SLC35D1: variants seen among roughly 807,000 people sequenced by gnomAD.
SLC35D1 encodes solute carrier family 35 member D1, also known as nucleotide sugar transporter SLC35D1.
Under a neutral mutation model 46.7 loss-of-function variants are expected in SLC35D1, and 31 were observed. The ratio of observed to expected loss-of-function variants is 0.66; its 90% CI spans 0.50 to 0.90. The LOEUF (loss-of-function observed/expected upper bound fraction) is 0.90. Among genes scored for constraint, SLC35D1 ranks in the 40% least tolerant of loss-of-function variants. SLC35D1 has a pLI of 0.00. For synonymous variants in SLC35D1, 195 were observed against 164.6 expected, an observed-to-expected ratio of 1.18 and a Z score of -1.41; for missense variants, 397 against 426.2, an observed-to-expected ratio of 0.93 and a Z score of 0.60.
Position 67,020,080 on chromosome 1 carries a change from C to T in SLC35D1, c.876+289G>A, listed in dbSNP as rs187536399. On this transcript the variant is annotated intron_variant, in intron 10 of 11. Transcript: ENST00000235345. ...AAGGGACAGGCTTATCACTACCAAG[C>T]TATTAATCTGCCCTGTCAGAAATAG... Among the ~76,000 whole-genome samples the T allele has an allele frequency of 1.4e-3, 214 of 152,310 alleles. 5 individuals are homozygous for T. The highest frequency in any genetic ancestry group is 3.4e-3 in the Middle Eastern group (1 of 294).
intron 9 of SLC35D1, among the ~76,000 whole-genome samples, chr1:67,021,022 C>A (rs1418206584): frequency 6.6e-6 from 1 of 152,062 alleles, no homozygotes; most frequent in Non-Finnish European, 1.5e-5. Context: ...GATCCAGTCA[C>A]AAATAGCAAC....
At chr1:67,015,695 C>T (rs922679127) in intron 10 of SLC35D1, among the ~76,000 whole-genome samples, 1 of 152,046 alleles carries the variant, frequency 6.6e-6, no homozygotes, top group African/African-American at 2.4e-5. Flanking sequence ...AGGCAGTTTT[C>T]TCTTTCAAAC....
At chr1:67,015,725 G>A (rs1667671415) in intron 10 of SLC35D1, among the ~76,000 whole-genome samples, 1 of 151,730 alleles carries the variant, frequency 6.6e-6, no homozygotes, top group South Asian at 2.1e-4. Flanking sequence ...ATGTACTATT[G>A]ATAAAAAATA....
chr1:67,027,095 T>C (rs1306371152), intron 8 of SLC35D1, among the ~76,000 whole-genome samples: 1 of 152,228 alleles, frequency 6.6e-6, no homozygotes, highest in Non-Finnish European at 1.5e-5. Context: ...ACATTACCTA[T>C]TTCTTCTTGA....
In SLC35D1 at chr1:67,052,851, C is replaced by T. The variant is rs10157422; in HGVS notation, c.244G>A (p.Ala82Thr). The change falls in exon 3 of 12, where the codon GCC becomes ACC. Residue 82 changes from alanine (A) to threonine (T), a missense_variant. Coordinates refer to ENST00000235345, the MANE Select transcript of SLC35D1 (RefSeq NM_015139.3). ...CCCACCCAGAGAACTGCCACTGTGG[C>T]CACCATCTGTAAACAAGAGAACACA... ...SLCVGLGQMVATVAVLWVGKA... is the reference protein window; with the variant it reads ...SLCVGLGQMVTTVAVLWVGKA... 117,935 of 1,613,834 alleles carry T rather than the reference C, an allele frequency of 0.073. 5,848 individuals carry two copies. The highest frequency in any genetic ancestry group is 0.24 in the African/African-American group (17,853 of 74,934).
At chr1:67,028,897 T>C (rs768793229) in intron 8 of SLC35D1, among the ~76,000 whole-genome samples, 3 of 152,200 alleles carry the variant, frequency 2.0e-5, no homozygotes, top group African/African-American at 4.8e-5. Flanking sequence ...AAAGTTCCAA[T>C]TGAGTCTTTT....
At chr1:67,004,551 A>G (rs570945592) in intron 11 of SLC35D1, 103 bp from the exon 12 acceptor site, 2 of 889,114 alleles carry the variant, frequency 2.2e-6, no homozygotes, top group South Asian at 2.8e-5. Context: ...GATGAAGAGT[A>G]AAGTTTCACA....
downstream of SLC35D1, among the ~76,000 whole-genome samples, chr1:66,997,585 A>C (rs1294858942): frequency 4.1e-3 from 550 of 135,190 alleles, 2 homozygotes; most frequent in African/African-American, 0.013. Flanking sequence ...ATATACACAC[A>C]CAGATATAGA....
chr1:66,982,592 T>C, the SLC35D1 span, among the ~76,000 whole-genome samples: 8 of 151,850 alleles, frequency 5.3e-5, no homozygotes, highest in African/African-American at 1.9e-4. Flanking sequence ...AGTAAAAGAG[T>C]TCCAAGAAGA....
chr1:67,048,351 C>T (rs1409625564), intron 6 of SLC35D1, among the ~76,000 whole-genome samples: 1 of 152,152 alleles, frequency 6.6e-6, no homozygotes, highest in African/African-American at 2.4e-5. Context: ...TTGTTTGGTA[C>T]AATTTTGGGT....
At chr1:67,006,497 C>A (rs899995393) in intron 11 of SLC35D1, among the ~76,000 whole-genome samples, 5 of 152,110 alleles carry the variant, frequency 3.3e-5, no homozygotes, top group African/African-American at 9.7e-5. Context: ...CCCACAACAG[C>A]CTAAAAAATA....
intron 11 of SLC35D1, among the ~76,000 whole-genome samples, chr1:67,006,224 T>G (rs1302395662): frequency 6.6e-6 from 1 of 152,184 alleles, no homozygotes; most frequent in East Asian, 1.9e-4. Flanking sequence ...CCATTTAATT[T>G]TTTCTGGAAT....
chr1:67,037,188 C>A (rs1668141611), intron 8 of SLC35D1, among the ~76,000 whole-genome samples: 1 of 152,066 alleles, frequency 6.6e-6, no homozygotes, highest in Non-Finnish European at 1.5e-5. Flanking sequence ...TTGATGGGTT[C>A]ATCTTTTTGT....
the SLC35D1 span, chr1:66,986,066 A>G: frequency 9.8e-7 from 1 of 1,023,680 alleles, no homozygotes; most frequent in African/African-American, 1.7e-5. Context: ...GAGGGGGGTC[A>G]AGTGATACTT....
downstream of SLC35D1, among the ~76,000 whole-genome samples, chr1:66,999,150 T>C (rs1011770821): frequency 1.3e-5 from 2 of 152,166 alleles, no homozygotes; most frequent in Non-Finnish European, 2.9e-5. Flanking sequence ...TGAAATACCC[T>C]GAAAACAGAA....
downstream of SLC35D1, among the ~76,000 whole-genome samples, chr1:66,998,822 C>T (rs1014152924): frequency 6.6e-6 from 1 of 152,030 alleles, no homozygotes; most frequent in African/African-American, 2.4e-5. Flanking sequence ...TGGTGGTTAT[C>T]GATGACTGAG....
At chr1:67,034,580 T>C (rs1383945172) in intron 8 of SLC35D1, among the ~76,000 whole-genome samples, 2 of 152,188 alleles carry the variant, frequency 1.3e-5, no homozygotes, top group Non-Finnish European at 2.9e-5. Context: ...GTTCTAATAG[T>C]TTTTTGGTAG....
rs566564045 is a variant in SLC35D1, at chr1:67,032,677, G to A, written c.729+9559C>T. ...GCCTGGGCAAGAAGAGTAAAACTCC[G>A]TCTCAAAATAATAACAATAATCACC... is the stretch of plus-strand genomic sequence containing the variant. On this transcript the variant is annotated intron_variant, in intron 8 of 11. Transcript: ENST00000235345. Among the ~76,000 whole-genome samples, 27 of 152,102 alleles carry A rather than the reference G, an allele frequency of 1.8e-4. No homozygotes were observed. The South Asian group carries it at 3.1e-3, about 18-fold the overall frequency.
intron 8 of SLC35D1, among the ~76,000 whole-genome samples, chr1:67,035,491 T>C (rs1012856001): frequency 6.6e-6 from 1 of 152,288 alleles, no homozygotes; most frequent in Non-Finnish European, 1.5e-5. Context: ...CAGTTGCTCA[T>C]AGTAGCCAAT....
Sources: allele counts gnomAD v4.1 joint callset (sites outside exome capture counted in the v4.1 genomes callset), GRCh38; gene constraint gnomAD v4.1.1; transcripts MANE v1.5; gene names NCBI Gene and HGNC (gene_info 2026-07-23, HGNC 2026-07-21).